SLC24A2: variants seen among roughly 807,000 people sequenced by gnomAD.
The protein encoded by SLC24A2 is solute carrier family 24 member 2, also known as sodium/potassium/calcium exchanger 2.
In SLC24A2, 36 loss-of-function variants were observed where a neutral mutation model predicts 62.0. The ratio of observed to expected loss-of-function variants is 0.58; its 90% CI spans 0.44 to 0.77. SLC24A2 has a LOEUF of 0.77. SLC24A2 is among the 30% of genes least tolerant of loss of function. The pLI is 0.00. For synonymous variants in SLC24A2, 358 were observed against 294.0 expected, an observed-to-expected ratio of 1.22 and a Z score of -2.23; for missense variants, 846 against 817.9, an observed-to-expected ratio of 1.03 and a Z score of -0.42.
the SLC24A2 span, among the ~76,000 whole-genome samples, chr9:19,970,577 G>C: frequency 6.6e-6 from 1 of 152,144 alleles, no homozygotes; most frequent in Non-Finnish European, 1.5e-5. Context: ...GCTCTAATAA[G>C]TAGCAATTTT....
At chr9:19,693,172 A>C (rs1820091069) in intron 2 of SLC24A2, among the ~76,000 whole-genome samples, 2 of 152,150 alleles carry the variant, frequency 1.3e-5, no homozygotes, top group Non-Finnish European at 2.9e-5. Flanking sequence ...ATATGTATAC[A>C]TGTGCCATGT....
the SLC24A2 span, among the ~76,000 whole-genome samples, chr9:20,269,981 G>C: frequency 1.3e-5 from 2 of 152,216 alleles, no homozygotes; most frequent in Non-Finnish European, 2.9e-5. Flanking sequence ...CTTCTGGCAA[G>C]ATTTTTCATG....
chr9:19,837,455 TCTC>T, the SLC24A2 span, among the ~76,000 whole-genome samples: 1 of 25,270 alleles, frequency 4.0e-5, no homozygotes, highest in East Asian at 1.3e-3. Context: ...CGAGACTCCG[TCTC>T]AAAAAAAAAA....
the SLC24A2 span, among the ~76,000 whole-genome samples, chr9:19,989,804 T>G: frequency 6.6e-6 from 1 of 152,208 alleles, no homozygotes; most frequent in Non-Finnish European, 1.5e-5. Flanking sequence ...GAAAAGTGCA[T>G]GGGCTTTGTA....
At chr9:19,695,101 T>C (rs1410816149) in intron 2 of SLC24A2, among the ~76,000 whole-genome samples, 2 of 151,860 alleles carry the variant, frequency 1.3e-5, no homozygotes, top group Non-Finnish European at 2.9e-5. Context: ...CCCCAGGGGT[T>C]AGAGACATTT....
At chr9:19,927,230 C>G in the SLC24A2 span, 23 of 152,438 alleles carry the variant, frequency 1.5e-4, no homozygotes, top group East Asian at 4.2e-3. Context: ...GGTCGCCTAG[C>G]CCCTTCTACG....
At chr9:19,987,384 T>C in the SLC24A2 span, among the ~76,000 whole-genome samples, 2 of 152,208 alleles carry the variant, frequency 1.3e-5, no homozygotes, top group Admixed American at 1.3e-4. Flanking sequence ...CCTACCTTCC[T>C]ATTACTGTGA....
chr9:20,161,074 C>G, the SLC24A2 span, among the ~76,000 whole-genome samples: 18 of 151,246 alleles, frequency 1.2e-4, no homozygotes, highest in African/African-American at 4.4e-4. Flanking sequence ...ATGGATAAAA[C>G]TTCTTTAAAA....
At chr9:19,875,273 T>C in the SLC24A2 span, among the ~76,000 whole-genome samples, 4 of 152,204 alleles carry the variant, frequency 2.6e-5, no homozygotes, top group Non-Finnish European at 4.4e-5. Flanking sequence ...GTACTTCTGC[T>C]TAGTAGATAA....
the SLC24A2 span, among the ~76,000 whole-genome samples, chr9:20,095,743 A>G: frequency 6.6e-6 from 1 of 151,272 alleles, no homozygotes; most frequent in Non-Finnish European, 1.5e-5. Flanking sequence ...AAAGATACCC[A>G]AGACTGGGTA....
At chr9:20,291,663 T>C in the SLC24A2 span, among the ~76,000 whole-genome samples, 1 of 152,188 alleles carries the variant, frequency 6.6e-6, no homozygotes, top group African/African-American at 2.4e-5. Context: ...GCCATCACCT[T>C]CTTGTTTTGT....
At chr9:20,167,578 A>T in the SLC24A2 span, among the ~76,000 whole-genome samples, 1 of 152,122 alleles carries the variant, frequency 6.6e-6, no homozygotes, top group Non-Finnish European at 1.5e-5. Flanking sequence ...GTTTCTAAAT[A>T]CCATTCCCCA....
chr9:20,000,785 T>A, the SLC24A2 span, among the ~76,000 whole-genome samples: 1 of 152,180 alleles, frequency 6.6e-6, no homozygotes, highest in African/African-American at 2.4e-5. Context: ...GAGACTAAGT[T>A]AACAGTAAAA....
chr9:19,520,258 T>C (rs888951000), intron 10 of SLC24A2, among the ~76,000 whole-genome samples: 2 of 152,216 alleles, frequency 1.3e-5, no homozygotes, highest in African/African-American at 4.8e-5. Flanking sequence ...CAGACTATTT[T>C]TACTTTTGAC....
the SLC24A2 span, among the ~76,000 whole-genome samples, chr9:20,071,609 C>G: frequency 1.3e-5 from 2 of 152,146 alleles, no homozygotes; most frequent in African/African-American, 4.8e-5. Flanking sequence ...GAAAAACTCT[C>G]TCAAACCATG....
At chr9:19,781,739 T>C (rs1419077645) in intron 2 of SLC24A2, among the ~76,000 whole-genome samples, 1 of 152,196 alleles carries the variant, frequency 6.6e-6, no homozygotes, top group South Asian at 2.1e-4. Flanking sequence ...TATCAAGTAA[T>C]ACATCTTTTT....
At chr9:19,791,143 TATCTGGGAACCCAGATCTTTTG>T (rs1823315604), upstream of SLC24A2, among the ~76,000 whole-genome samples, 1 of 152,242 alleles carries the variant, frequency 6.6e-6, no homozygotes, top group Admixed American at 6.5e-5. Context: ...TTCAAGATGC[TATCTGGGAACCCAGATCTTTTG>T]ATCTGTCTTT....
chr9:20,133,055 C>T, the SLC24A2 span, among the ~76,000 whole-genome samples: 1 of 152,178 alleles, frequency 6.6e-6, no homozygotes, highest in African/African-American at 2.4e-5. Context: ...TTATTCTGTT[C>T]ACTTTAACTA....
At chr9:19,569,018 T>C (rs1449164038) in intron 7 of SLC24A2, among the ~76,000 whole-genome samples, 1 of 152,220 alleles carries the variant, frequency 6.6e-6, no homozygotes, top group Non-Finnish European at 1.5e-5. Context: ...ACAACATGTA[T>C]TGGAGGTCAT....
Sources: gnomAD v4.1 joint callset for allele counts (sites outside exome capture counted in the v4.1 genomes callset) on GRCh38, gnomAD v4.1.1 for gene constraint, MANE v1.5 for transcripts, NCBI Gene and HGNC (gene_info 2026-07-23, HGNC 2026-07-21) for gene names.